The following MTM1 variants were observed in gnomAD, a reference collection of about 807,000 sequenced individuals.
MTM1 encodes the protein myotubularin.
Under a neutral mutation model 52.1 loss-of-function variants are expected in MTM1, and 9 were observed. That is an observed-to-expected ratio of 0.17 (90% CI 0.10 to 0.30). The LOEUF (loss-of-function observed/expected upper bound fraction) is 0.30. Ranked by LOEUF, MTM1 falls within the 10% of genes least tolerant of loss-of-function variation. The pLI is 1.00. For synonymous variants in MTM1, 136 were observed against 163.8 expected, an observed-to-expected ratio of 0.83 and a Z score of 1.29; for missense variants, 277 against 470.7, an observed-to-expected ratio of 0.59 and a Z score of 3.81.
At chrX:150,642,529 T>C (rs1479935236) in intron 8 of MTM1, among the ~76,000 whole-genome samples, 2 of 112,344 alleles carry the variant, frequency 1.8e-5, no homozygotes, top group African/African-American at 6.5e-5. Context: ...CTTGAAAGTA[T>C]GTTCTTTAGC....
intron 6 of MTM1, among the ~76,000 whole-genome samples, chrX:150,633,657 T>A (rs2039706271): frequency 1.1e-5 from 1 of 88,785 alleles, no homozygotes; most frequent in Admixed American, 1.4e-4. Flanking sequence ...AAGATGAGTG[T>A]CTTTAATTTC....
intron 1 of MTM1, among the ~76,000 whole-genome samples, chrX:150,587,255 G>T (rs1328389690): frequency 9.0e-6 from 1 of 111,724 alleles, no homozygotes; most frequent in East Asian, 2.8e-4. Context: ...TATGTACTTC[G>T]GCTGAAGACG....
At position 150,614,523 on chromosome X, in the gene MTM1, A is replaced by G. The variant is rs2039346204; in HGVS notation, c.232-66A>G. On this transcript the variant is annotated intron_variant, in intron 4 of 14. Transcript: ENST00000370396. ...ACTCTGAAAGCATATGGTTGTTTTTATATGTTTTTTGATGTTTTAATTATA... is the reference window on the plus strand; with the variant it reads ...ACTCTGAAAGCATATGGTTGTTTTTGTATGTTTTTTGATGTTTTAATTATA... 71 of 663,682 alleles carry G rather than the reference A, an allele frequency of 1.1e-4. 1 individual carries two copies. In the South Asian group the frequency reaches 1.7e-3, roughly 15 times the overall value. 54.7% of individuals were successfully genotyped at this position (663,682 alleles called of 1,213,427 possible).
chrX:150,645,527 C>G (rs1170287884), intron 8 of MTM1, among the ~76,000 whole-genome samples, 156 bp from the exon 9 acceptor site: 1 of 112,542 alleles, frequency 8.9e-6, no homozygotes, highest in Non-Finnish European at 1.9e-5. Context: ...TCTCTGGGCA[C>G]ACACACGCAG....
chrX:150,588,135 T>C lies in MTM1; in HGVS notation c.-10-4470T>C, dbSNP rs182821161. Among the ~76,000 whole-genome samples the C allele has an allele frequency of 5.3e-5, 6 of 112,215 alleles. No individual in the cohort carries two copies. The East Asian group carries it at 1.7e-3, about 31-fold the overall frequency. On this transcript the variant is annotated intron_variant, in intron 1 of 14. Coordinates refer to ENST00000370396, the MANE Select transcript of MTM1 (RefSeq NM_000252.3). ...GACCTGGAATTCTGAACGGAGAGGC[T>C]GCTTGTTCTCTGACAAACTTTAGAA...
At chrX:150,621,415 G>A (rs896068287) in intron 6 of MTM1, among the ~76,000 whole-genome samples, 1 of 110,739 alleles carries the variant, frequency 9.0e-6, no homozygotes, top group African/African-American at 3.3e-5. Context: ...CTTTCTTTCA[G>A]TTTCTTCCCC....
chrX:150,589,625 C>T (rs1475244861), intron 1 of MTM1, among the ~76,000 whole-genome samples: 27 of 111,123 alleles, frequency 2.4e-4, no homozygotes, highest in African/African-American at 7.5e-4. Flanking sequence ...ATTTTATACA[C>T]GAAGATATGG....
intron 2 of MTM1, among the ~76,000 whole-genome samples, chrX:150,593,826 G>A (rs74728439): frequency 9.1e-6 from 1 of 110,268 alleles, no homozygotes; most frequent in Non-Finnish European, 1.9e-5. Flanking sequence ...AATTAGCCGA[G>A]TGTGATGGCG....
At chrX:150,594,358 C>T (rs1050562250) in intron 2 of MTM1, among the ~76,000 whole-genome samples, 10 of 111,426 alleles carry the variant, frequency 9.0e-5, no homozygotes, top group Middle Eastern at 4.6e-3. Context: ...TATCCACCTG[C>T]CTTAGCCTCC....
At chrX:150,591,495 C>T (rs1235922167) in intron 1 of MTM1, among the ~76,000 whole-genome samples, 5 of 112,743 alleles carry the variant, frequency 4.4e-5, no homozygotes, top group Non-Finnish European at 9.4e-5. Context: ...ACCTCTTCAT[C>T]CTGGTGGCTG....
At chrX:150,622,477 G>A (rs1412087371) in intron 6 of MTM1, among the ~76,000 whole-genome samples, 1 of 112,006 alleles carries the variant, frequency 8.9e-6, no homozygotes, top group East Asian at 2.8e-4. Flanking sequence ...ATTTAGTAGT[G>A]TGTAGGATGA....
chrX:150,671,020 A>G (rs2040387123), intron 14 of MTM1, among the ~76,000 whole-genome samples: 1 of 111,969 alleles, frequency 8.9e-6, no homozygotes, highest in Non-Finnish European at 1.9e-5. Context: ...TTGTTGCTGG[A>G]TACTCACAGG....
chrX:150,612,981 TAA>T (rs74917014), intron 4 of MTM1, among the ~76,000 whole-genome samples: 2 of 97,359 alleles, frequency 2.1e-5, no homozygotes. Context: ...GAGACTCATC[TAA>T]AAAAAAAAAA....
intron 9 of MTM1, among the ~76,000 whole-genome samples, chrX:150,646,906 A>G (rs1456906666): frequency 2.7e-5 from 3 of 111,073 alleles, no homozygotes; most frequent in African/African-American, 9.9e-5. Context: ...GCAGAGCTCA[A>G]CTCTTCATTA....
At chrX:150,571,984 C>G (rs966371774) in intron 1 of MTM1, among the ~76,000 whole-genome samples, 3 of 111,887 alleles carry the variant, frequency 2.7e-5, no homozygotes, top group Admixed American at 9.5e-5. Context: ...CTGTGAGTAC[C>G]ACGACAGTCT....
At chrX:150,573,804 A>G (rs782009889) in intron 1 of MTM1, among the ~76,000 whole-genome samples, 5 of 112,185 alleles carry the variant, frequency 4.5e-5, no homozygotes, top group African/African-American at 6.5e-5. Flanking sequence ...AATTGGCCCA[A>G]GCTCTTTTAC....
At chrX:150,668,851 C>T (rs1343893732) in intron 14 of MTM1, among the ~76,000 whole-genome samples, 2 of 112,044 alleles carry the variant, frequency 1.8e-5, no homozygotes, top group African/African-American at 6.5e-5. Flanking sequence ...TTCTGGAAAC[C>T]ACTACATGTG....
chrX:150,626,339 A>C (rs1557413423), intron 6 of MTM1, among the ~76,000 whole-genome samples: 1 of 111,754 alleles, frequency 8.9e-6, no homozygotes, highest in East Asian at 2.8e-4. Context: ...TTTGAGACGG[A>C]GTCTTGCTCT....
At chrX:150,610,291 C>T (rs2039251465) in intron 4 of MTM1, among the ~76,000 whole-genome samples, 1 of 111,311 alleles carries the variant, frequency 9.0e-6, no homozygotes, top group Non-Finnish European at 1.9e-5. Flanking sequence ...TGTCTTATCT[C>T]CCAGATAGAG....
Sources: gnomAD v4.1 joint callset for allele counts (sites outside exome capture counted in the v4.1 genomes callset) on GRCh38, gnomAD v4.1.1 for gene constraint, MANE v1.5 for transcripts, NCBI Gene and HGNC (gene_info 2026-07-23, HGNC 2026-07-21) for gene names.